BRD9: variants seen among roughly 807,000 people sequenced by gnomAD.
BRD9 encodes the protein bromodomain containing 9.
A neutral mutation model predicts 68.7 loss-of-function variants in BRD9; 47 were observed. The ratio of observed to expected loss-of-function variants is 0.68; its 90% CI spans 0.54 to 0.87. The LOEUF is 0.87. Among genes scored for constraint, BRD9 ranks in the 40% least tolerant of loss-of-function variants. The pLI, the probability that BRD9 is intolerant of heterozygous loss-of-function variation, is 0.00. For synonymous variants in BRD9, 313 were observed against 293.9 expected (o/e 1.06, Z -0.67); for missense variants, 670 against 748.4 (o/e 0.90, Z 1.22).
intron 8 of BRD9, 169 bp downstream of exon 8, chr5:883,769 T>C: frequency 1.0e-6 from 1 of 963,750 alleles, no homozygotes; most frequent in Non-Finnish European, 1.5e-6. Flanking sequence ...GGACCCCGAC[T>C]GAAGAGACCA....
intron 13 of BRD9, among the ~76,000 whole-genome samples, 181 bp downstream of exon 13, chr5:871,345 C>T (rs1038166094): frequency 1.3e-5 from 2 of 152,228 alleles, no homozygotes; most frequent in South Asian, 2.1e-4. Context: ...TGTACTGCGG[C>T]TTCACACCAC....
intron 14 of BRD9, among the ~76,000 whole-genome samples, chr5:867,412 G>T (rs868855487): frequency 1.2e-4 from 18 of 152,348 alleles, no homozygotes; most frequent in Middle Eastern, 3.4e-3. Flanking sequence ...GGAGCTGTGA[G>T]AAAAGGGCCA....
intron 14 of BRD9, among the ~76,000 whole-genome samples, chr5:867,009 C>G (rs1186284751): frequency 6.6e-6 from 1 of 152,194 alleles, no homozygotes; most frequent in Non-Finnish European, 1.5e-5. Flanking sequence ...TTTGCCCAGA[C>G]ACTGCCATCA....
intron 7 of BRD9, among the ~76,000 whole-genome samples, chr5:886,025 C>T (rs1334542551): frequency 6.6e-6 from 1 of 152,202 alleles, no homozygotes; most frequent in Non-Finnish European, 1.5e-5. Context: ...TCGGCTGCTC[C>T]CTGTGGGAGG....
At chr5:880,972 C>A (rs16880430) in intron 9 of BRD9, 135 bp downstream of exon 9, 58,737 of 867,458 alleles carry the variant, frequency 0.068, 3,337 homozygotes, top group Admixed American at 0.19. Context: ...CGTTGGGGTG[C>A]GAGCAAGGTC....
intron 12 of BRD9, among the ~76,000 whole-genome samples, chr5:873,336 T>C (rs72703140): frequency 0.034 from 5,210 of 152,238 alleles, 125 homozygotes; most frequent in Non-Finnish European, 0.049. Context: ...CCGTTCTTTG[T>C]TCTGAATTTC....
intron 8 of BRD9, chr5:881,490 A>G: frequency 2.3e-6 from 1 of 442,974 alleles, no homozygotes; most frequent in East Asian, 4.5e-5. Flanking sequence ...TGGAACGGTC[A>G]GCAGGTCAGC....
intron 8 of BRD9, chr5:881,596 C>G (rs10062956): frequency 7.7e-6 from 2 of 259,134 alleles, no homozygotes; most frequent in South Asian, 4.6e-5. Context: ...GTTCTGTGTA[C>G]AGGCCATCAG....
At chr5:869,873 G>C (rs59443728) in intron 14 of BRD9, among the ~76,000 whole-genome samples, 1 of 152,122 alleles carries the variant, frequency 6.6e-6, no homozygotes, top group African/African-American at 2.4e-5. Flanking sequence ...ATCAAAACAA[G>C]CTGCAGACCA....
At chr5:869,787 T>C (rs184992454) in intron 14 of BRD9, among the ~76,000 whole-genome samples, 4 of 152,324 alleles carry the variant, frequency 2.6e-5, no homozygotes, top group Admixed American at 1.3e-4. Context: ...TCGCTTCAAG[T>C]TGTCCCGCCT....
At position 863,958 on chromosome 5, in the gene BRD9, G is replaced by A. The variant is rs1203399597; in HGVS notation, c.*510C>T. On this transcript the variant is annotated 3_prime_UTR_variant, in exon 16 of 16. Transcript: ENST00000467963. ...AACACACTGGACTGATACAGAATGA[G>A]GCCAGACACACCCATGCCTGTGCCT... The A allele has an allele frequency of 1.3e-5, 2 of 154,462 alleles. No homozygotes were observed. Among genetic ancestry groups the A allele is most frequent in the African/African-American group, 2.4e-5 (1 of 41,454 alleles). 9.6% of individuals were successfully genotyped at this position (154,462 alleles called of 1,614,324 possible). A position where few individuals can be genotyped will look rare whatever the true frequency, so the allele number is the denominator to read the frequency against.
Position 865,434 on chromosome 5 carries a change from T to A in BRD9, c.1673A>T (p.Glu558Val). The A allele has an allele frequency of 6.3e-7, 1 of 1,587,590 alleles. No homozygotes were observed. The highest frequency in any genetic ancestry group is 8.6e-7 in the Non-Finnish European group (1 of 1,163,268). ...SNLSSLSNAS[E>V]RDQHHLGSPS... Reference sequence around the variant, plus strand: ...CTCACCCAGGTGGTGCTGGTCCCTCTCGGAGGCGTTGGACAGGGAGCTGAG... The same window carrying A: ...CTCACCCAGGTGGTGCTGGTCCCTCACGGAGGCGTTGGACAGGGAGCTGAG... Residue 558 changes from glutamate to valine, a missense_variant, in exon 15 of 16, where the codon GAG becomes GTG. This residue lies in a region of BRD9 where 280 missense variants were observed against 281.5 expected (regional missense o/e 0.99). Transcript: ENST00000467963.
chr5:866,163 G>A (rs948028649), intron 14 of BRD9: 4 of 152,350 alleles, frequency 2.6e-5, no homozygotes, highest in African/African-American at 4.8e-5. Flanking sequence ...CACCCTCCCC[G>A]GGGTGACTCT....
At position 887,379 on chromosome 5, in the gene BRD9, G is replaced by C; in HGVS notation, c.699C>G (p.Gly233=). ...TTCTTACTTTGCTCATCATCTTAAA[G>C]CCTGCGTGAAGGATCTTCTTCGCCA... ...YKLAKKILHA[G]FKMMSKQAAL... is the part of the protein sequence containing the mutation. Residue 233 remains glycine (G), a synonymous_variant, in exon 6 of 16, where the codon GGC becomes GGG. Transcript: ENST00000467963. 1 of 1,613,124 alleles carries C rather than the reference G, an allele frequency of 6.2e-7. No homozygotes were observed. Among genetic ancestry groups the C allele is most frequent in the Non-Finnish European group, 8.5e-7 (1 of 1,179,132 alleles).
intron 1 of BRD9, 42 bp from the exon 2 acceptor site, chr5:891,896 C>A (rs1287431506): frequency 1.3e-6 from 2 of 1,546,918 alleles, no homozygotes; most frequent in Non-Finnish European, 1.7e-6. Flanking sequence ...TGCTCAGGTG[C>A]AAACGCCACG....
At chr5:873,242 C>T (rs1750414330) in intron 12 of BRD9, among the ~76,000 whole-genome samples, 1 of 152,102 alleles carries the variant, frequency 6.6e-6, no homozygotes, top group Admixed American at 6.5e-5. Context: ...GAAACCTGGA[C>T]CCTCCACCTA....
chr5:865,071 A>T (rs1749161065), intron 15 of BRD9, among the ~76,000 whole-genome samples: 1 of 152,182 alleles, frequency 6.6e-6, no homozygotes, highest in Non-Finnish European at 1.5e-5. Flanking sequence ...CCCACCCACC[A>T]AAACCACTCC....
At chr5:880,920 C>G (rs1476966124) in intron 9 of BRD9, among the ~76,000 whole-genome samples, 187 bp downstream of exon 9, 1 of 152,260 alleles carries the variant, frequency 6.6e-6, no homozygotes, top group Non-Finnish European at 1.5e-5. Flanking sequence ...CACCCCCGCC[C>G]CGCGAGATGG....
intron 14 of BRD9, among the ~76,000 whole-genome samples, chr5:867,816 G>C (rs1692063609): frequency 6.6e-6 from 1 of 152,242 alleles, no homozygotes; most frequent in South Asian, 2.1e-4. Context: ...AACTTGCCTT[G>C]TCTCAGATAA....
Sources: allele counts gnomAD v4.1 joint callset (sites outside exome capture counted in the v4.1 genomes callset), GRCh38; gene constraint gnomAD v4.1.1; regional missense constraint gnomAD v4.1.1; transcripts MANE v1.5; gene names NCBI Gene and HGNC (gene_info 2026-07-23, HGNC 2026-07-21).